Variants in PIP5K1C observed in about 807,000 individuals in gnomAD.
PIP5K1C encodes phosphatidylinositol-4-phosphate 5-kinase type 1 gamma.
In PIP5K1C, 45 loss-of-function variants were observed where a neutral mutation model predicts 80.1. The observed-to-expected ratio is 0.56, with a 90% CI of 0.44 to 0.72. The LOEUF is 0.72. Ranked by LOEUF, PIP5K1C falls within the 30% of genes least tolerant of loss-of-function variation. The pLI is 0.00. For synonymous variants in PIP5K1C, 498 were observed against 420.1 expected (o/e 1.19, Z -2.27); for missense variants, 753 against 954.6 (o/e 0.79, Z 2.78).
intron 3 of PIP5K1C, among the ~76,000 whole-genome samples, chr19:3,663,173 G>A (rs975142636): frequency 6.6e-6 from 1 of 151,128 alleles, no homozygotes; most frequent in Non-Finnish European, 1.5e-5. Flanking sequence ...GCCGGCTGCT[G>A]TTATTTTTGC....
chr19:3,645,790 T>C (rs1419146302), intron 11 of PIP5K1C, among the ~76,000 whole-genome samples, 184 bp downstream of exon 11: 3 of 152,186 alleles, frequency 2.0e-5, no homozygotes, highest in Non-Finnish European at 4.4e-5. Flanking sequence ...GCTCTACCGC[T>C]GTGCAGAGCA....
At chr19:3,670,365 A>G (rs1435974398) in intron 1 of PIP5K1C, among the ~76,000 whole-genome samples, 2 of 151,678 alleles carry the variant, frequency 1.3e-5, no homozygotes, top group South Asian at 2.1e-4. Context: ...CGCTGTCCTT[A>G]TAAGAGAAGC....
intron 2 of PIP5K1C, among the ~76,000 whole-genome samples, chr19:3,667,061 G>A (rs1032160099): frequency 7.2e-6 from 1 of 139,022 alleles, no homozygotes; most frequent in Non-Finnish European, 1.5e-5. Context: ...TCCTGCCCCT[G>A]CAGCCCTGAC....
intron 6 of PIP5K1C, 106 bp downstream of exon 6, chr19:3,656,299 G>T: frequency 7.7e-7 from 1 of 1,300,546 alleles, no homozygotes; most frequent in Non-Finnish European, 1.1e-6. Context: ...CTCTCACCAC[G>T]CCCCAAGGAT....
chr19:3,642,968 CCAGAAAG>C, intron 13 of PIP5K1C, 29 bp from the exon 14 acceptor site: 1 of 1,613,058 alleles, frequency 6.2e-7, no homozygotes, highest in African/African-American at 1.3e-5. Flanking sequence ...CACGTGACAC[CCAGAAAG>C]AGAGTGGCCC....
rs144166425 is a variant in PIP5K1C, at chr19:3,656,501, G to A, written c.525C>T (p.Ser175=). 4.3e-6 allele frequency: 7 copies of A among 1,613,878 alleles called. No individual in the cohort carries two copies. Among genetic ancestry groups the A allele is most frequent in the Non-Finnish European group, 5.9e-6 (7 of 1,180,020 alleles). Residue 175 remains serine (S), a synonymous_variant, in exon 6 of 18, where the codon TCC becomes TCT. Transcript: ENST00000335312. ...CGTCGTCGCTGGTGACGTAGAAGAG[G>A]GAGCCACTGGCGCCCGGGTTGGACA... ...IELSNPGASG[S]LFYVTSDDEF... is the part of the protein sequence containing the mutation.
intron 1 of PIP5K1C, among the ~76,000 whole-genome samples, chr19:3,691,585 A>G (rs529454063): frequency 7.8e-6 from 1 of 127,422 alleles, no homozygotes; most frequent in Non-Finnish European, 1.6e-5. Context: ...AGGCACACCC[A>G]GCCCATCTAC....
At chr19:3,634,249 G>A (rs1372492445) in intron 16 of PIP5K1C, among the ~76,000 whole-genome samples, 2 of 152,026 alleles carry the variant, frequency 1.3e-5, no homozygotes, top group Non-Finnish European at 2.9e-5. Context: ...AGGGAGGGAG[G>A]GTGCGTTCCT....
At chr19:3,642,229 G>A (rs1485816588) in intron 14 of PIP5K1C, among the ~76,000 whole-genome samples, 1 of 152,218 alleles carries the variant, frequency 6.6e-6, no homozygotes, top group Non-Finnish European at 1.5e-5. Flanking sequence ...GGCACCAAGG[G>A]GTTTCTTTCA....
At chr19:3,678,654 AG>A (rs2035488716) in intron 1 of PIP5K1C, among the ~76,000 whole-genome samples, 1 of 83,806 alleles carries the variant, frequency 1.2e-5, no homozygotes, top group Non-Finnish European at 2.3e-5. Context: ...AGAGATGGAG[AG>A]ATGGCGAGAT....
At chr19:3,689,906 G>A (rs1015126521) in intron 1 of PIP5K1C, among the ~76,000 whole-genome samples, 20 of 152,264 alleles carry the variant, frequency 1.3e-4, no homozygotes, top group African/African-American at 4.8e-4. Flanking sequence ...TCTCTGTGCG[G>A]GCTGTACAGG....
At chr19:3,640,923 G>C (rs186317887) in intron 15 of PIP5K1C, among the ~76,000 whole-genome samples, 4 of 152,026 alleles carry the variant, frequency 2.6e-5, no homozygotes, top group African/African-American at 9.7e-5. Flanking sequence ...TCCTGACCTC[G>C]TGATCCGCCT....
chr19:3,643,959 G>A (rs890462002), intron 12 of PIP5K1C, 128 bp downstream of exon 12: 117 of 1,127,260 alleles, frequency 1.0e-4, no homozygotes, highest in Admixed American at 1.1e-4. Context: ...CCCTGGGCAG[G>A]CGGCCCTGCA....
chr19:3,662,948 G>A (rs966051323), intron 3 of PIP5K1C, among the ~76,000 whole-genome samples: 3 of 152,128 alleles, frequency 2.0e-5, no homozygotes, highest in Non-Finnish European at 2.9e-5. Flanking sequence ...TGCAACCTCC[G>A]CCTCCTGGGT....
intron 5 of PIP5K1C, among the ~76,000 whole-genome samples, chr19:3,658,072 A>G (rs1285448968): frequency 6.6e-6 from 1 of 152,232 alleles, no homozygotes; most frequent in South Asian, 2.1e-4. Context: ...CGCCGGAAAC[A>G]TGAGGTCACA....
At position 3,641,752 on chromosome 19, in the gene PIP5K1C, C is replaced by A; in HGVS notation, c.1740G>T (p.Glu580Asp). The A allele has an allele frequency of 3.7e-6, 6 of 1,611,816 alleles. No individual in the cohort carries two copies. The highest frequency in any genetic ancestry group is 5.1e-6 in the Non-Finnish European group (6 of 1,180,018). ...EDLQQITVQV[E>D]PACSVEIVVP... ...CCACAATCTCCACGCTGCACGCAGG[C>A]TCCACCTGCACTGTAATCTGCTGCA... Residue 580 changes from glutamate to aspartate, a missense_variant, in exon 15 of 18, where the codon GAG becomes GAT. By Grantham distance (45) the Glu-to-Asp change is conservative. Coordinates refer to ENST00000335312, the MANE Select transcript of PIP5K1C (RefSeq NM_012398.3).
intron 1 of PIP5K1C, among the ~76,000 whole-genome samples, chr19:3,682,000 T>C (rs1367931645): frequency 6.6e-6 from 1 of 152,092 alleles, no homozygotes; most frequent in Non-Finnish European, 1.5e-5. Context: ...TGCTGCACGC[T>C]GCATGCTGGT....
chr19:3,649,982 G>A, intron 8 of PIP5K1C: 2 of 197,974 alleles, frequency 1.0e-5, no homozygotes, highest in South Asian at 7.2e-5. Flanking sequence ...CACGCCACAG[G>A]CTGGTACGCT....
At chr19:3,665,389 A>G (rs2034974047) in intron 2 of PIP5K1C, among the ~76,000 whole-genome samples, 1 of 152,112 alleles carries the variant, frequency 6.6e-6, no homozygotes, top group Admixed American at 6.6e-5. Flanking sequence ...AAATGTACTA[A>G]AAGTCACTCA....
Sources: gnomAD v4.1 joint callset for allele counts (sites outside exome capture counted in the v4.1 genomes callset) on GRCh38, gnomAD v4.1.1 for gene constraint, MANE v1.5 for transcripts, NCBI Gene and HGNC (gene_info 2026-07-23, HGNC 2026-07-21) for gene names.